CSMD1: variants seen among roughly 807,000 people sequenced by gnomAD.
The protein encoded by CSMD1 is CUB and Sushi multiple domains 1, also known as CUB and sushi domain-containing protein 1.
Under a neutral mutation model 417.5 loss-of-function variants are expected in CSMD1, and 213 were observed. The observed-to-expected ratio is 0.51, with a 90% confidence interval of 0.46 to 0.57. CSMD1 has a LOEUF of 0.57. Among genes scored for constraint, CSMD1 ranks in the 20% least tolerant of loss-of-function variants. The pLI, the probability that CSMD1 is intolerant of heterozygous loss-of-function variation, is 0.00. For missense variants in CSMD1, 6,923 were observed against 4,529.7 expected (o/e 1.53, Z -15.17); for synonymous variants, 2,862 against 1,736.8 (o/e 1.65, Z -16.11).
intron 4 of CSMD1, among the ~76,000 whole-genome samples, chr8:3,998,620 G>A (rs749301217): frequency 3.3e-5 from 5 of 151,962 alleles, no homozygotes; most frequent in Non-Finnish European, 5.9e-5. Flanking sequence ...ACATAAAAGA[G>A]GCACATCACC....
Position 3,098,651 on chromosome 8 carries a change from G to A in CSMD1, c.6950-1614C>T, listed in dbSNP as rs371924371. Among the ~76,000 whole-genome samples, 21 of 152,226 alleles carry A rather than the reference G, an allele frequency of 1.4e-4. No homozygotes were observed. In the South Asian group the frequency reaches 2.3e-3, roughly 17 times the overall value. On this transcript the variant is annotated intron_variant, in intron 46 of 69. Coordinates refer to ENST00000635120, the MANE Select transcript of CSMD1 (RefSeq NM_033225.6). Reference sequence around the variant, plus strand: ...TTTCTTCTGTGATGGTGACCTCATCGCTTTGTAAAATACACGATGCCCATT... The same window carrying A: ...TTTCTTCTGTGATGGTGACCTCATCACTTTGTAAAATACACGATGCCCATT...
chr8:4,182,732 A>G (rs1354793922), intron 3 of CSMD1, among the ~76,000 whole-genome samples: 4 of 151,820 alleles, frequency 2.6e-5, no homozygotes, highest in South Asian at 2.1e-4. Flanking sequence ...AGCTATATAA[A>G]TAATGGAACA....
At chr8:4,675,628 A>AC (rs1271041663) in intron 1 of CSMD1, among the ~76,000 whole-genome samples, 1 of 143,554 alleles carries the variant, frequency 7.0e-6, no homozygotes, top group Non-Finnish European at 1.5e-5. Context: ...AATAAACATA[A>AC]AAAAAGTAAG....
intron 5 of CSMD1, among the ~76,000 whole-genome samples, chr8:3,963,552 A>G (rs1585042274): frequency 6.6e-6 from 1 of 152,188 alleles, no homozygotes; most frequent in Non-Finnish European, 1.5e-5. Context: ...TAAAATTCGT[A>G]TTTCAATTTA....
intron 17 of CSMD1, among the ~76,000 whole-genome samples, chr8:3,393,375 C>T (rs1269627180): frequency 6.6e-6 from 1 of 152,220 alleles, no homozygotes. Flanking sequence ...ATGCTAGACT[C>T]TCCAGCAGAT....
intron 2 of CSMD1, among the ~76,000 whole-genome samples, chr8:4,623,825 T>C (rs1370353136): frequency 6.6e-6 from 1 of 152,044 alleles, no homozygotes; most frequent in Admixed American, 6.6e-5. Context: ...AGTTCAGTGG[T>C]GTGCTGGCAA....
intron 3 of CSMD1, among the ~76,000 whole-genome samples, chr8:4,368,801 T>C (rs1310344353): frequency 6.6e-6 from 1 of 152,162 alleles, no homozygotes; most frequent in Non-Finnish European, 1.5e-5. Context: ...GTTGGATAGG[T>C]TGTAATGTCA....
intron 2 of CSMD1, among the ~76,000 whole-genome samples, chr8:4,631,198 T>A (rs1802489583): frequency 2.6e-5 from 4 of 151,776 alleles, no homozygotes; most frequent in Admixed American, 2.0e-4. Context: ...CTGTCTCTAT[T>A]AAAAAATACA....
chr8:3,066,625 A>T (rs1812953237), intron 49 of CSMD1, among the ~76,000 whole-genome samples: 1 of 152,214 alleles, frequency 6.6e-6, no homozygotes, highest in Non-Finnish European at 1.5e-5. Context: ...AGCTTTAGTA[A>T]AACAATAATC....
At chr8:2,985,722 G>A (rs536473484) in intron 54 of CSMD1, among the ~76,000 whole-genome samples, 79 of 152,290 alleles carry the variant, frequency 5.2e-4, no homozygotes, top group Non-Finnish European at 6.5e-4. Context: ...CACTCAAGGA[G>A]CTCAGTGGGA....
intron 5 of CSMD1, among the ~76,000 whole-genome samples, chr8:3,788,256 TA>T (rs1317439219): frequency 6.6e-6 from 1 of 152,202 alleles, no homozygotes; most frequent in Non-Finnish European, 1.5e-5. Context: ...AAGATGGAGC[TA>T]AACATCAGTT....
At chr8:4,968,209 G>C (rs927099119) in intron 1 of CSMD1, among the ~76,000 whole-genome samples, 1 of 151,922 alleles carries the variant, frequency 6.6e-6, no homozygotes, top group African/African-American at 2.4e-5. Context: ...TGGTATTTTA[G>C]AATCAGGGTT....
chr8:3,712,651 G>A (rs527578853), intron 6 of CSMD1, among the ~76,000 whole-genome samples: 1 of 152,182 alleles, frequency 6.6e-6, no homozygotes, highest in African/African-American at 2.4e-5. Context: ...ACAATCTTCG[G>A]AGGTGAGCTT....
intron 2 of CSMD1, among the ~76,000 whole-genome samples, chr8:4,468,239 G>A (rs1026258344): frequency 9.2e-5 from 14 of 152,312 alleles, no homozygotes; most frequent in African/African-American, 2.9e-4. Flanking sequence ...AAAGGAAGGA[G>A]AGCTGGCTGA....
At chr8:4,887,607 A>G (rs1044266395) in intron 1 of CSMD1, among the ~76,000 whole-genome samples, 3 of 151,794 alleles carry the variant, frequency 2.0e-5, no homozygotes, top group Non-Finnish European at 4.4e-5. Flanking sequence ...CTGCTTTTTA[A>G]TTCTATTGGT....
chr8:4,490,743 C>G (rs1035764638), intron 2 of CSMD1, among the ~76,000 whole-genome samples: 3 of 152,260 alleles, frequency 2.0e-5, no homozygotes, highest in Non-Finnish European at 4.4e-5. Context: ...GCCAGGATAA[C>G]CCAGGGTCAG....
intron 1 of CSMD1, among the ~76,000 whole-genome samples, chr8:4,771,195 G>C (rs1036794918): frequency 1.3e-5 from 2 of 152,134 alleles, no homozygotes; most frequent in African/African-American, 2.4e-5. Context: ...AATGGAGGCC[G>C]CTTTGCCTAA....
At chr8:4,366,163 G>A (rs76332386) in intron 3 of CSMD1, among the ~76,000 whole-genome samples, 1,670 of 152,158 alleles carry the variant, frequency 0.011, 32 homozygotes, top group African/African-American at 0.037. Context: ...CCGTTTATGA[G>A]AACATGCAGC....
chr8:4,601,228 T>C (rs1800562827), intron 2 of CSMD1, among the ~76,000 whole-genome samples: 1 of 152,168 alleles, frequency 6.6e-6, no homozygotes, highest in Admixed American at 6.5e-5. Flanking sequence ...AGTGCCGGGA[T>C]TACAGGCGTG....
Sources: gnomAD v4.1 joint callset for allele counts (sites outside exome capture counted in the v4.1 genomes callset) on GRCh38, gnomAD v4.1.1 for gene constraint, MANE v1.5 for transcripts, NCBI Gene and HGNC (gene_info 2026-07-23, HGNC 2026-07-21) for gene names.